The following MTOR variants were observed in gnomAD, a reference collection of about 807,000 sequenced individuals.
MTOR encodes the protein mechanistic target of rapamycin kinase, also known as serine/threonine-protein kinase mTOR.
A neutral mutation model predicts 319.8 loss-of-function variants in MTOR; 70 were observed. That is an observed-to-expected ratio of 0.22 (90% CI 0.18 to 0.27). The LOEUF is 0.27. MTOR is among the 10% of genes least tolerant of loss of function. The pLI is 1.00. For missense variants in MTOR, 1,890 were observed against 3,274.4 expected (o/e 0.58, Z 10.32); for synonymous variants, 1,183 against 1,211.4 (o/e 0.98, Z 0.49).
At chr1:11,259,622 T>C (rs1202773194) in intron 1 of MTOR, among the ~76,000 whole-genome samples, 199 bp from the exon 2 acceptor site, 2 of 152,098 alleles carry the variant, frequency 1.3e-5, no homozygotes, top group Non-Finnish European at 2.9e-5. Context: ...AGAGGCAGTG[T>C]AGTAGGGAGG....
chr1:11,117,957 G>A (rs542253186), intron 49 of MTOR, among the ~76,000 whole-genome samples: 16 of 152,106 alleles, frequency 1.1e-4, no homozygotes, highest in African/African-American at 3.9e-4. Context: ...GTGCGTGCCT[G>A]TAATCCCAGC....
chr1:11,260,883 G>A (rs1432085432), intron 1 of MTOR, among the ~76,000 whole-genome samples: 10 of 149,880 alleles, frequency 6.7e-5, no homozygotes, highest in African/African-American at 9.8e-5. Context: ...TCCACCTCCC[G>A]GGTTCAAATG....
At chr1:11,253,616 G>C (rs553657555) in intron 6 of MTOR, among the ~76,000 whole-genome samples, 2 of 152,086 alleles carry the variant, frequency 1.3e-5, no homozygotes, top group African/African-American at 4.8e-5. Context: ...ACCTCAGGGA[G>C]GGCCTTCCTT....
intron 26 of MTOR, among the ~76,000 whole-genome samples, chr1:11,201,534 C>T (rs916679266): frequency 6.6e-6 from 1 of 152,146 alleles, no homozygotes; most frequent in Non-Finnish European, 1.5e-5. Flanking sequence ...TTGCTTTCTG[C>T]TTCTTGCCAA....
chr1:11,213,689 C>T (rs1646380528), intron 20 of MTOR, 123 bp from the exon 21 acceptor site: 5 of 837,086 alleles, frequency 6.0e-6, no homozygotes, highest in Non-Finnish European at 9.4e-6. Context: ...GAGATCAACT[C>T]CTCACTCCCC....
intron 19 of MTOR, among the ~76,000 whole-genome samples, chr1:11,220,902 G>T (rs1372105575): frequency 6.6e-6 from 1 of 152,192 alleles, no homozygotes; most frequent in East Asian, 1.9e-4. Flanking sequence ...GAGGTATAAA[G>T]ATGGTGACAG....
At chr1:11,221,901 G>C (rs979948398) in intron 19 of MTOR, among the ~76,000 whole-genome samples, 1 of 150,488 alleles carries the variant, frequency 6.6e-6, no homozygotes, top group Non-Finnish European at 1.5e-5. Flanking sequence ...TCTTCTTTGA[G>C]TGACTGTGCA....
Position 11,257,021 on chromosome 1 carries a change from G to C in MTOR, c.416C>G (p.Thr139Ser), listed in dbSNP as rs1377093505. 1.2e-6 allele frequency: 2 copies of C among 1,614,016 alleles called. No homozygotes were observed. Among genetic ancestry groups the C allele is most frequent in the African/African-American group, 1.3e-5 (1 of 74,916 alleles). Reference sequence around the variant, plus strand: ...AAATTCCACGTACTCAGCGGTAAAAGTGTCCCCTGCCATGGCAAGACGGCC... The same window carrying C: ...AAATTCCACGTACTCAGCGGTAAAACTGTCCCCTGCCATGGCAAGACGGCC... ...AIGRLAMAGD[T>S]FTAEYVEFEV... is the part of the protein sequence containing the mutation. Residue 139 changes from threonine to serine, a missense_variant, in exon 4 of 58, where the codon ACT (threonine) becomes AGT (serine). Thr to Ser is a moderately conservative substitution (Grantham distance 58). Transcript: ENST00000361445.
chr1:11,252,029 T>TA (rs974951840), intron 6 of MTOR, among the ~76,000 whole-genome samples: 6 of 152,112 alleles, frequency 3.9e-5, no homozygotes, highest in African/African-American at 1.4e-4. Flanking sequence ...TTCACACACA[T>TA]AGTCATCCCC....
intron 36 of MTOR, among the ~76,000 whole-genome samples, chr1:11,137,001 C>A (rs572168285): frequency 6.6e-6 from 1 of 151,250 alleles, no homozygotes; most frequent in Non-Finnish European, 1.5e-5. Context: ...ATCACCACAC[C>A]CGGCTAATTT....
intron 15 of MTOR, 131 bp downstream of exon 15, chr1:11,233,267 A>G: frequency 1.2e-6 from 1 of 861,688 alleles, no homozygotes; most frequent in Non-Finnish European, 1.9e-6. Flanking sequence ...TTATGAATGC[A>G]TTGTTGGCTG....
At position 11,210,693 on chromosome 1, in the gene MTOR, A is replaced by T. The variant is rs1427132131; in HGVS notation, c.3654+121T>A. On this transcript the variant is annotated intron_variant, in intron 24 of 57. Coordinates refer to ENST00000361445, the MANE Select transcript of MTOR (RefSeq NM_004958.4). ...ACCACATAGTCTACAAAACTGGAAA[A>T]AAGTTTGCCAATCCCTAATTTACAG... 2.4e-5 allele frequency: 17 copies of T among 694,536 alleles called. No homozygotes were observed. The East Asian group carries it at 4.6e-4, about 19-fold the overall frequency. The allele number at this position is 694,536 out of a possible 1,614,324, so 43.0% of individuals were successfully genotyped here.
chr1:11,224,008 C>T (rs2100835282), intron 19 of MTOR, among the ~76,000 whole-genome samples: 1 of 151,542 alleles, frequency 6.6e-6, no homozygotes, highest in Non-Finnish European at 1.5e-5. Flanking sequence ...CATTGCACTC[C>T]ACCCTGGCAA....
chr1:11,231,860 G>A (rs1436444742), intron 16 of MTOR, among the ~76,000 whole-genome samples: 1 of 152,108 alleles, frequency 6.6e-6, no homozygotes, highest in African/African-American at 2.4e-5. Flanking sequence ...AAGTAGCTGG[G>A]ACTACAGGCA....
intron 28 of MTOR, among the ~76,000 whole-genome samples, chr1:11,176,000 A>G (rs943917530): frequency 6.6e-6 from 1 of 152,120 alleles, no homozygotes; most frequent in Non-Finnish European, 1.5e-5. Flanking sequence ...TAACCGCCTC[A>G]GCCTCCCAAA....
At position 11,128,234 on chromosome 1, in the gene MTOR, T is replaced by C; in HGVS notation, c.5911-108A>G. On this transcript the variant is annotated intron_variant, in intron 42 of 57. Coordinates refer to ENST00000361445, the MANE Select transcript of MTOR (RefSeq NM_004958.4). The surrounding 1 kb of genome is among the most constrained non-coding windows in gnomAD (Gnocchi z 5.3). ...ACAAGTGGTGAGTGTGACATTAACA[T>C]CTGCTTGAGACTACCAGGAAGGGGC... 1 of 1,477,132 alleles carries C rather than the reference T, an allele frequency of 6.8e-7. No individual in the cohort carries two copies. Among genetic ancestry groups the C allele is most frequent in the Non-Finnish European group, 9.2e-7 (1 of 1,082,434 alleles). 91.5% of individuals were successfully genotyped at this position (1,477,132 alleles called of 1,614,324 possible).
At chr1:11,222,497 T>A (rs1459138188) in intron 19 of MTOR, among the ~76,000 whole-genome samples, 1 of 151,962 alleles carries the variant, frequency 6.6e-6, no homozygotes, top group African/African-American at 2.4e-5. Context: ...GCGCCCAGCC[T>A]AAAAAAATGT....
intron 26 of MTOR, among the ~76,000 whole-genome samples, chr1:11,204,311 G>A (rs1013651810): frequency 2.6e-5 from 4 of 152,076 alleles, no homozygotes; most frequent in African/African-American, 7.3e-5. Flanking sequence ...TGCTTTTAGA[G>A]TTATAAATAA....
At chr1:11,159,925 G>A (rs72871468) in intron 29 of MTOR, among the ~76,000 whole-genome samples, 8,981 of 152,072 alleles carry the variant, frequency 0.059, 376 homozygotes, top group South Asian at 0.12. Context: ...GATGCTTTAT[G>A]TATTTTAGAA....
Sources: gnomAD v4.1 joint callset for allele counts (sites outside exome capture counted in the v4.1 genomes callset) on GRCh38, gnomAD v4.1.1 for gene constraint, Gnocchi (gnomAD v3.1) non-coding constraint, MANE v1.5 for transcripts, NCBI Gene and HGNC (gene_info 2026-07-23, HGNC 2026-07-21) for gene names.